NOTCH2: variants seen among roughly 807,000 people sequenced by gnomAD.
NOTCH2 encodes the protein neurogenic locus notch homolog protein 2.
Under a neutral mutation model 235.8 loss-of-function variants are expected in NOTCH2, and 29 were observed. That is an observed-to-expected ratio of 0.12 (90% CI 0.09 to 0.17). NOTCH2 has a LOEUF of 0.17. Ranked by LOEUF, NOTCH2 falls within the 10% of genes least tolerant of loss-of-function variation. The pLI is 1.00. For synonymous variants in NOTCH2, 1,086 were observed against 1,141.5 expected (o/e 0.95, Z 0.98); for missense variants, 2,285 against 3,150.2 (o/e 0.73, Z 6.57).
intron 15 of NOTCH2, chr1:119,950,364 AT>A (rs1370171858): frequency 1.3e-5 from 5 of 396,640 alleles, no homozygotes; most frequent in Non-Finnish European, 2.4e-5. Flanking sequence ...CACATAGTAA[AT>A]TACCAATAAG....
chr1:119,916,546 A>G lies in NOTCH2; in HGVS notation c.6176T>C (p.Val2059Ala). ...CACATTGTATTCATCCAGAAGGCGCACAATGTCATGGTGCATGCGATCCCG... is the reference window on the plus strand; with the variant it reads ...CACATTGTATTCATCCAGAAGGCGCGCAATGTCATGGTGCATGCGATCCCG... ...VARDRMHHDI[V>A]RLLDEYNVTP... Residue 2059 changes from valine to alanine, a missense_variant, in exon 34 of 34, where the codon GTG (valine) becomes GCG (alanine). Val to Ala is a moderately conservative substitution (Grantham distance 64). This residue lies in a region of NOTCH2 where 504 missense variants were observed against 538.0 expected (regional missense o/e 0.94). Coordinates refer to ENST00000256646, the MANE Select transcript of NOTCH2 (RefSeq NM_024408.4). 6.2e-7 allele frequency: 1 copy of G among 1,613,968 alleles called. No homozygotes were observed. Among genetic ancestry groups the G allele is most frequent in the Non-Finnish European group, 8.5e-7 (1 of 1,179,846 alleles).
At chr1:119,945,444 T>C (rs1278991539) in intron 17 of NOTCH2, among the ~76,000 whole-genome samples, 2 of 151,934 alleles carry the variant, frequency 1.3e-5, no homozygotes, top group Non-Finnish European at 2.9e-5. Context: ...ACCATCATAC[T>C]GGAGAAAAAA....
At chr1:119,956,410 G>A (rs1570690940) in intron 12 of NOTCH2, among the ~76,000 whole-genome samples, 1 of 152,248 alleles carries the variant, frequency 6.6e-6, no homozygotes, top group East Asian at 1.9e-4. Context: ...ATTTAGAATA[G>A]GACATTCCAA....
Position 119,955,200 on chromosome 1 carries a change from C to T in NOTCH2, c.2059G>A (p.Ala687Thr), listed in dbSNP as rs2101124744. The T allele has an allele frequency of 6.2e-7, 1 of 1,614,120 alleles. No individual in the cohort carries two copies. The highest frequency in any genetic ancestry group is 8.5e-7 in the Non-Finnish European group (1 of 1,179,978). The change falls in exon 13 of 34, where the codon GCC (alanine) becomes ACC (threonine). Residue 687 changes from alanine (A) to threonine (T), a missense_variant. Physicochemically the swap from Ala to Thr is moderately conservative, Grantham distance 58. Coordinates refer to ENST00000256646, the MANE Select transcript of NOTCH2 (RefSeq NM_024408.4). Reference sequence around the variant, plus strand: ...GCACCCTTGCGACAGGGATTGGAGGCACACTCATCAATGTCAATGTTACAT... The same window carrying T: ...GCACCCTTGCGACAGGGATTGGAGGTACACTCATCAATGTCAATGTTACAT... ...QRCNIDIDEC[A>T]SNPCRKGATC...
intron 5 of NOTCH2, among the ~76,000 whole-genome samples, chr1:119,976,966 T>C (rs1651606798): frequency 6.6e-6 from 1 of 152,088 alleles, no homozygotes; most frequent in Non-Finnish European, 1.5e-5. Context: ...CCTATTAATA[T>C]GCTCTCCAGA....
chr1:119,982,853 G>T (rs587657129), intron 5 of NOTCH2, among the ~76,000 whole-genome samples: 1 of 152,196 alleles, frequency 6.6e-6, no homozygotes, highest in African/African-American at 2.4e-5. Context: ...AGGTAAAAAC[G>T]CCTGTAGTGG....
rs912957683 is a variant in NOTCH2, at chr1:119,913,764, G to A, written c.*1542C>T. The A allele has an allele frequency of 6.9e-5, 16 of 231,866 alleles. No homozygotes were observed. The highest frequency in any genetic ancestry group is 1.7e-4 in the Admixed American group (3 of 17,630). The allele number at this position is 231,866 out of a possible 1,614,324, so 14.4% of individuals were successfully genotyped here. ...CTCTAGGAAAGGAAAATGTTCTGTT[G>A]AGTTTCTACGTTAGTTGCCAAAGGG... On this transcript the variant is annotated 3_prime_UTR_variant, in exon 34 of 34. Transcript: ENST00000256646.
At chr1:119,987,848 C>T (rs1336471025) in intron 4 of NOTCH2, among the ~76,000 whole-genome samples, 2 of 152,164 alleles carry the variant, frequency 1.3e-5, no homozygotes, top group Non-Finnish European at 2.9e-5. Context: ...AGCATTGCTT[C>T]CTTCCTCTTG....
At chr1:119,941,788 A>G (rs2101106091) in intron 17 of NOTCH2, 34 bp from the exon 18 acceptor site, 1 of 1,459,702 alleles carries the variant, frequency 6.9e-7, no homozygotes, top group South Asian at 1.1e-5. Context: ...ACCTCTGAAG[A>G]GTAGCATCAG....
At chr1:119,980,099 T>C (rs1651756345) in intron 5 of NOTCH2, among the ~76,000 whole-genome samples, 1 of 152,196 alleles carries the variant, frequency 6.6e-6, no homozygotes. Context: ...AGTAAGGTCA[T>C]CTGAGTCAAG....
At chr1:119,968,033 C>T (rs1553199914) in intron 7 of NOTCH2, 44 bp downstream of exon 7, 1 of 1,610,642 alleles carries the variant, frequency 6.2e-7, no homozygotes, top group Non-Finnish European at 8.5e-7. Context: ...ATTTGCTGAG[C>T]TCAACAGACA....
intron 2 of NOTCH2, among the ~76,000 whole-genome samples, chr1:120,029,322 A>T (rs1251048597): frequency 6.6e-6 from 1 of 151,768 alleles, no homozygotes; most frequent in Non-Finnish European, 1.5e-5. Flanking sequence ...TGAAAAACAC[A>T]AGGGAATCTA....
rs200889169 is a variant in NOTCH2 at position 120,062,854 on chromosome 1, C to A, written c.73+6480G>T. 1.7e-3 allele frequency among the ~76,000 whole-genome samples: 258 copies of A among 152,128 alleles called. No homozygotes were observed. The East Asian group carries it at 0.044, about 26-fold the overall frequency. On this transcript the variant is annotated intron_variant, in intron 1 of 33. Coordinates refer to ENST00000256646, the MANE Select transcript of NOTCH2 (RefSeq NM_024408.4). ...ATGGAAACCTATGTATTTACATACACAAGTTAATACAATAATTCCTTTGCT... is the reference window on the plus strand; with the variant it reads ...ATGGAAACCTATGTATTTACATACAAAAGTTAATACAATAATTCCTTTGCT...
intron 1 of NOTCH2, among the ~76,000 whole-genome samples, chr1:120,048,325 T>C (rs1431332891): frequency 1.4e-5 from 2 of 138,470 alleles, no homozygotes; most frequent in Non-Finnish European, 3.0e-5. Context: ...CAAAGTGCTG[T>C]TGGAGACCTA....
intron 5 of NOTCH2, among the ~76,000 whole-genome samples, chr1:119,973,114 G>A (rs1553200565): frequency 6.6e-6 from 1 of 152,204 alleles, no homozygotes; most frequent in Non-Finnish European, 1.5e-5. Flanking sequence ...GTTAGGGACA[G>A]GAAATTTAGA....
intron 5 of NOTCH2, among the ~76,000 whole-genome samples, chr1:119,985,634 T>C (rs952762308): frequency 5.3e-5 from 8 of 152,150 alleles, no homozygotes; most frequent in Non-Finnish European, 1.2e-4. Flanking sequence ...GTCAAGTTCT[T>C]AACAAGTATC....
At chr1:119,935,988 G>A (rs587705529) in intron 21 of NOTCH2, among the ~76,000 whole-genome samples, 6 of 152,310 alleles carry the variant, frequency 3.9e-5, no homozygotes, top group Admixed American at 2.0e-4. Flanking sequence ...AAAGGCATAT[G>A]TGGATGGTAG....
At position 119,917,716 on chromosome 1, in the gene NOTCH2, T is replaced by G. The variant is rs1649134486; in HGVS notation, c.5976A>C (p.Ala1992=). ...HWAAAVNNVE[A]TLLLLKNGAN... ...CCCCATTTTTCAACAACAAAAGAGT[T>G]GCCTCCACATTATTGACAGCAGCTG... The change falls in exon 33 of 34, where the codon GCA becomes GCC. Residue 1992 remains alanine (A), a synonymous_variant. Coordinates refer to ENST00000256646, the MANE Select transcript of NOTCH2 (RefSeq NM_024408.4). The G allele has an allele frequency of 1.2e-6, 2 of 1,613,982 alleles. No individual in the cohort carries two copies. Among genetic ancestry groups the G allele is most frequent in the Non-Finnish European group, 1.7e-6 (2 of 1,179,938 alleles).
At chr1:120,027,529 T>C (rs1653908416) in intron 2 of NOTCH2, among the ~76,000 whole-genome samples, 1 of 150,294 alleles carries the variant, frequency 6.7e-6, no homozygotes, top group Non-Finnish European at 1.5e-5. Context: ...TTCATAGGTA[T>C]ACATGTGCCA....
Sources: gnomAD v4.1 joint callset for allele counts (sites outside exome capture counted in the v4.1 genomes callset) on GRCh38, gnomAD v4.1.1 for gene constraint, gnomAD v4.1.1 regional missense constraint, MANE v1.5 for transcripts, NCBI Gene and HGNC (gene_info 2026-07-23, HGNC 2026-07-21) for gene names.